The following MCC variants were observed in gnomAD, a reference collection of about 807,000 sequenced individuals.
MCC encodes MCC regulator of Wnt signaling pathway, also known as colorectal mutant cancer protein.
A neutral mutation model predicts 116.2 loss-of-function variants in MCC; 90 were observed. The ratio of observed to expected loss-of-function variants is 0.77; its 90% CI spans 0.65 to 0.92. The LOEUF (loss-of-function observed/expected upper bound fraction) is 0.92. Among genes scored for constraint, MCC ranks in the 40% least tolerant of loss-of-function variants. The probability of loss-of-function intolerance (pLI) is 0.00; values close to 1 mark genes in which losing one functional copy is unlikely to be tolerated. For synonymous variants in MCC, 578 were observed against 510.5 expected (o/e 1.13, Z -1.78); for missense variants, 1,516 against 1,312.2 (o/e 1.16, Z -2.40).
intron 3 of MCC, among the ~76,000 whole-genome samples, chr5:113,236,129 G>A (rs1764121049): frequency 6.6e-6 from 1 of 152,014 alleles, no homozygotes; most frequent in Non-Finnish European, 1.5e-5. Context: ...AAGGCTCTCT[G>A]ATCTGCAGAA....
chr5:113,040,532 T>G (rs564712820), intron 17 of MCC, among the ~76,000 whole-genome samples: 1 of 152,264 alleles, frequency 6.6e-6, no homozygotes, highest in South Asian at 2.1e-4. Flanking sequence ...ACCTCAACCA[T>G]AAGCTCGGCT....
chr5:113,174,060 T>C (rs1561427166), intron 3 of MCC, among the ~76,000 whole-genome samples: 1 of 152,166 alleles, frequency 6.6e-6, no homozygotes, highest in Non-Finnish European at 1.5e-5. Flanking sequence ...GCTTGAGAAC[T>C]ACAGAAATGT....
chr5:113,442,364 ATTTG>A (rs1771066673), intron 1 of MCC, among the ~76,000 whole-genome samples: 3 of 152,112 alleles, frequency 2.0e-5, no homozygotes, highest in South Asian at 4.1e-4. Context: ...TTTCTTGTAA[ATTTG>A]TTTAAGTTCT....
chr5:113,443,415 T>G (rs1580382030), intron 1 of MCC, among the ~76,000 whole-genome samples: 1 of 152,174 alleles, frequency 6.6e-6, no homozygotes, highest in Admixed American at 6.5e-5. Context: ...ATGGGGTTTT[T>G]TAAACATACA....
chr5:113,286,900 T>C (rs1434412103), intron 3 of MCC, among the ~76,000 whole-genome samples: 2 of 152,232 alleles, frequency 1.3e-5, no homozygotes, highest in Non-Finnish European at 2.9e-5. Context: ...TTTGGCTGTT[T>C]CTAGTCAACA....
intron 3 of MCC, among the ~76,000 whole-genome samples, chr5:113,215,623 C>G (rs538097486): frequency 6.6e-6 from 1 of 152,272 alleles, no homozygotes; most frequent in East Asian, 1.9e-4. Context: ...AGTGAGGACA[C>G]AGTGTTCTTC....
intron 3 of MCC, among the ~76,000 whole-genome samples, chr5:113,314,943 G>T (rs1164852902): frequency 6.6e-6 from 1 of 152,188 alleles, no homozygotes. Flanking sequence ...CAGCAGGACT[G>T]GTCTTAGTGC....
intron 3 of MCC, among the ~76,000 whole-genome samples, chr5:113,284,037 A>G (rs1766153605): frequency 6.6e-6 from 1 of 152,216 alleles, no homozygotes; most frequent in Non-Finnish European, 1.5e-5. Context: ...CTTTCGGACT[A>G]TGGTATATAA....
At position 113,126,229 on chromosome 5, in the gene MCC, G is replaced by A. The variant is rs1331354522; in HGVS notation, c.885-3403C>T. 3.6e-4 allele frequency among the ~76,000 whole-genome samples: 55 copies of A among 152,300 alleles called. 1 individual carries two copies. The highest frequency in any genetic ancestry group is 2.9e-5 in the Non-Finnish European group (2 of 68,024). ...ATAACAAATGTTCCTCAGGAGACAG[G>A]CATTAGATTGTACACTTGCCTATGT... is the stretch of plus-strand genomic sequence containing the variant. On this transcript the variant is annotated intron_variant, in intron 5 of 18. Transcript: ENST00000408903.
chr5:113,192,796 C>T (rs1762209512), intron 3 of MCC, among the ~76,000 whole-genome samples: 1 of 152,198 alleles, frequency 6.6e-6, no homozygotes, highest in South Asian at 2.1e-4. Flanking sequence ...GCAAAGCATA[C>T]AACACAGTTC....
chr5:113,296,857 T>A (rs1317238038), intron 3 of MCC, among the ~76,000 whole-genome samples: 1 of 152,146 alleles, frequency 6.6e-6, no homozygotes, highest in Non-Finnish European at 1.5e-5. Context: ...TAAAGATACA[T>A]ATTTTTCATA....
At chr5:113,364,478 A>G (rs7734061) in intron 2 of MCC, among the ~76,000 whole-genome samples, 67,067 of 152,008 alleles carry the variant, frequency 0.44, 16,262 homozygotes, top group African/African-American at 0.64. Context: ...GGCTGGCACT[A>G]AGTGCCGATG....
chr5:113,306,236 T>G lies in MCC; in HGVS notation c.627+34283A>C, dbSNP rs569611914. On this transcript the variant is annotated intron_variant, in intron 3 of 18. Transcript: ENST00000408903. The stretch of plus-strand genomic sequence containing the variant: ...AACATTTGTGAGCAAGTTTTTAATA[T>G]GGACATATGTTTTCAATTCTCTCGG... 2.6e-5 allele frequency among the ~76,000 whole-genome samples: 4 copies of G among 152,354 alleles called. No homozygotes were observed. In the South Asian group the frequency reaches 6.2e-4, roughly 24 times the overall value.
chr5:113,031,625 A>T (rs760710496), intron 17 of MCC, among the ~76,000 whole-genome samples: 16 of 152,212 alleles, frequency 1.1e-4, no homozygotes, highest in Non-Finnish European at 1.9e-4. Context: ...CCACAAACTC[A>T]ATAAGAAATT....
intron 3 of MCC, among the ~76,000 whole-genome samples, chr5:113,220,914 G>A: frequency 6.6e-6 from 1 of 152,140 alleles, no homozygotes. Flanking sequence ...AAGAAAAGAA[G>A]CAGTGAGGCC....
At chr5:113,273,571 A>G (rs1765691768) in intron 3 of MCC, among the ~76,000 whole-genome samples, 1 of 152,192 alleles carries the variant, frequency 6.6e-6, no homozygotes, top group Admixed American at 6.5e-5. Flanking sequence ...AGGGGAAGCA[A>G]AACATGAGAA....
intron 1 of MCC, among the ~76,000 whole-genome samples, chr5:113,445,836 C>T (rs1028321995): frequency 1.3e-5 from 2 of 152,130 alleles, no homozygotes; most frequent in South Asian, 4.1e-4. Flanking sequence ...ATCACATTAC[C>T]TGACTTCAAA....
In MCC at chr5:113,061,448, C is replaced by T. The variant is rs578031693; in HGVS notation, c.2213+2536G>A. Among the ~76,000 whole-genome samples the T allele has an allele frequency of 2.6e-5, 4 of 152,312 alleles. No homozygotes were observed. In the South Asian group the frequency reaches 6.2e-4, roughly 24 times the overall value. ...CATTTTAGTCCTTGTGCCTCTTTGT[C>T]ATGATATGTTGATAAAGCCATCCAG... On this transcript the variant is annotated intron_variant, in intron 14 of 18. Coordinates refer to ENST00000408903, the MANE Select transcript of MCC (RefSeq NM_001085377.2).
intron 3 of MCC, among the ~76,000 whole-genome samples, chr5:113,274,378 A>G (rs1447570387): frequency 1.3e-5 from 2 of 152,106 alleles, no homozygotes; most frequent in Non-Finnish European, 2.9e-5. Flanking sequence ...GTTTTGTTTG[A>G]GATGGAGTTT....
Sources: allele counts gnomAD v4.1 joint callset (sites outside exome capture counted in the v4.1 genomes callset), GRCh38; gene constraint gnomAD v4.1.1; transcripts MANE v1.5; gene names NCBI Gene and HGNC (gene_info 2026-07-23, HGNC 2026-07-21).